PTPRN2: variants seen among roughly 807,000 people sequenced by gnomAD.
The protein encoded by PTPRN2 is receptor-type tyrosine-protein phosphatase N2.
In PTPRN2, 74 loss-of-function variants were observed where a neutral mutation model predicts 118.8. The ratio of observed to expected loss-of-function variants is 0.62; its 90% CI spans 0.52 to 0.76. PTPRN2 has a LOEUF of 0.76. PTPRN2 is among the 30% of genes least tolerant of loss of function. PTPRN2 has a pLI of 0.00. For synonymous variants in PTPRN2, 641 were observed against 608.0 expected (o/e 1.05, Z -0.80); for missense variants, 1,481 against 1,394.4 (o/e 1.06, Z -0.99).
At chr7:157,731,523 C>T (rs1799908661) in intron 12 of PTPRN2, among the ~76,000 whole-genome samples, 2 of 147,188 alleles carry the variant, frequency 1.4e-5, no homozygotes, top group East Asian at 2.0e-4. Context: ...TACCCTTTCC[C>T]GTCCCATGCG....
intron 12 of PTPRN2, among the ~76,000 whole-genome samples, chr7:157,720,998 G>A (rs536659653): frequency 2.6e-5 from 4 of 151,966 alleles, no homozygotes; most frequent in African/African-American, 2.4e-5. Context: ...TGGGGGCTCG[G>A]GGAGGTGTCA....
At chr7:158,018,710 C>T (rs182442695) in intron 11 of PTPRN2, among the ~76,000 whole-genome samples, 9 of 152,170 alleles carry the variant, frequency 5.9e-5, no homozygotes, top group African/African-American at 2.2e-4. Context: ...CCTGTAATCC[C>T]AGCACTTTGG....
chr7:158,417,769 C>T (rs1278103395), intron 2 of PTPRN2, among the ~76,000 whole-genome samples: 1 of 70,452 alleles, frequency 1.4e-5, no homozygotes, highest in Non-Finnish European at 2.7e-5. Context: ...CTCAGTGTCC[C>T]GCTGTGTTAA....
intron 12 of PTPRN2, among the ~76,000 whole-genome samples, chr7:157,830,684 G>A (rs1807507967): frequency 6.6e-6 from 1 of 152,234 alleles, no homozygotes; most frequent in African/African-American, 2.4e-5. Flanking sequence ...TATCCCACAG[G>A]ACAAGCCTGG....
At chr7:158,505,704 G>A (rs1162071353) in intron 1 of PTPRN2, among the ~76,000 whole-genome samples, 2 of 144,672 alleles carry the variant, frequency 1.4e-5, no homozygotes, top group African/African-American at 2.5e-5. Context: ...GAAGTAGGAG[G>A]GAACGGAGGA....
chr7:158,277,322 C>G (rs369219933), intron 3 of PTPRN2, among the ~76,000 whole-genome samples: 1 of 152,192 alleles, frequency 6.6e-6, no homozygotes, highest in East Asian at 1.9e-4. Context: ...TCAGCCACAA[C>G]GGGCAGTCAG....
At chr7:157,651,508 G>A (rs1186285284) in intron 14 of PTPRN2, among the ~76,000 whole-genome samples, 3 of 152,248 alleles carry the variant, frequency 2.0e-5, no homozygotes, top group Non-Finnish European at 4.4e-5. Context: ...TCCAAAAAAC[G>A]TTCTCTAGCC....
intron 2 of PTPRN2, among the ~76,000 whole-genome samples, chr7:158,347,874 A>G (rs1586415228): frequency 6.6e-6 from 1 of 152,262 alleles, no homozygotes; most frequent in South Asian, 2.1e-4. Flanking sequence ...GGCAGCACTC[A>G]CCTTCTTGAG....
rs535063953 is a variant in PTPRN2 at position 158,236,302 on chromosome 7, C to T, written c.278-31029G>A. 3.3e-4 allele frequency among the ~76,000 whole-genome samples: 51 copies of T among 152,304 alleles called. No homozygotes were observed. In the South Asian group the frequency reaches 4.8e-3, roughly 14 times the overall value. Reference sequence around the variant, plus strand: ...AATGTCTTCAGAGGAGCCCCAGCTTCTCCTCTCCCTTCTCCTCCTCAGATC... The same window carrying T: ...AATGTCTTCAGAGGAGCCCCAGCTTTTCCTCTCCCTTCTCCTCCTCAGATC... On this transcript the variant is annotated intron_variant, in intron 3 of 22. Transcript: ENST00000389418.
In PTPRN2 at chr7:157,550,054, AC is replaced by A. The variant is rs1378591344; in HGVS notation, c.2903-1036del. Among the ~76,000 whole-genome samples, 1 of 152,196 alleles carries A rather than the reference AC, an allele frequency of 6.6e-6. No individual in the cohort carries two copies. The highest frequency in any genetic ancestry group is 2.4e-5 in the African/African-American group (1 of 41,466). ...GTGGGCAGGACAGCGCTGGCCGAAG[AC>A]CTGAGGAGGCCCGGGTGGCCCAGAG... On this transcript the variant is annotated intron_variant, in intron 21 of 22. Transcript: ENST00000389418. The surrounding 1 kb of genome is among the most constrained non-coding windows in gnomAD (Gnocchi z 5.2).
At chr7:157,655,309 T>G (rs1951351944) in intron 14 of PTPRN2, among the ~76,000 whole-genome samples, 1 of 152,176 alleles carries the variant, frequency 6.6e-6, no homozygotes, top group African/African-American at 2.4e-5. Context: ...AACTGCGTGT[T>G]TCCCACCAGA....
intron 14 of PTPRN2, among the ~76,000 whole-genome samples, chr7:157,651,762 A>C (rs1805678731): frequency 6.6e-6 from 1 of 152,244 alleles, no homozygotes; most frequent in African/African-American, 2.4e-5. Flanking sequence ...CGCTTTGATA[A>C]CCGTCCTGCG....
intron 3 of PTPRN2, among the ~76,000 whole-genome samples, chr7:158,222,688 A>C (rs957243196): frequency 6.6e-6 from 1 of 152,222 alleles, no homozygotes; most frequent in African/African-American, 2.4e-5. Flanking sequence ...TCACCCATGC[A>C]TATGTACCCT....
chr7:158,278,155 A>G (rs2150990219), intron 3 of PTPRN2, among the ~76,000 whole-genome samples: 1 of 152,256 alleles, frequency 6.6e-6, no homozygotes, highest in Non-Finnish European at 1.5e-5. Flanking sequence ...ACATGTCTAG[A>G]ACATTCCTAG....
At chr7:157,891,375 C>T (rs1455980921) in intron 12 of PTPRN2, among the ~76,000 whole-genome samples, 1 of 151,956 alleles carries the variant, frequency 6.6e-6, no homozygotes, top group African/African-American at 2.4e-5. Flanking sequence ...CTGCCCACTG[C>T]TTGCTCCCTG....
rs1821879435 is a variant in PTPRN2, at chr7:158,156,978, C to A, written c.910+9953G>T. 2.0e-5 allele frequency among the ~76,000 whole-genome samples: 3 copies of A among 152,218 alleles called. No homozygotes were observed. In the East Asian group the frequency reaches 5.8e-4, roughly 29 times the overall value. ...GTACCATGTGGCTCTGGAAGGCCTC[C>A]CCATTGTGCTAACACAGTGGAGAGC... On this transcript the variant is annotated intron_variant, in intron 6 of 22. Coordinates refer to ENST00000389418, the MANE Select transcript of PTPRN2 (RefSeq NM_002847.5).
At chr7:158,104,463 C>T (rs1214543011) in intron 10 of PTPRN2, among the ~76,000 whole-genome samples, 1 of 151,974 alleles carries the variant, frequency 6.6e-6, no homozygotes, top group Non-Finnish European at 1.5e-5. Context: ...GCAGCAGGGC[C>T]CCTCACAAGA....
intron 10 of PTPRN2, among the ~76,000 whole-genome samples, chr7:158,092,670 G>A (rs1814292081): frequency 6.6e-6 from 1 of 152,042 alleles, no homozygotes; most frequent in African/African-American, 2.4e-5. Flanking sequence ...GCTAATAAAG[G>A]TCTCAAAATT....
chr7:157,886,214 A>T (rs144592908), intron 12 of PTPRN2, among the ~76,000 whole-genome samples: 1 of 152,124 alleles, frequency 6.6e-6, no homozygotes, highest in African/African-American at 2.4e-5. Context: ...CTTGCCTTCC[A>T]CTAAGACCCA....
Sources: allele counts gnomAD v4.1 joint callset (sites outside exome capture counted in the v4.1 genomes callset), GRCh38; gene constraint gnomAD v4.1.1; non-coding constraint Gnocchi (gnomAD v3.1); transcripts MANE v1.5; gene names NCBI Gene and HGNC (gene_info 2026-07-23, HGNC 2026-07-21).